Variants in CROT observed in about 807,000 individuals in gnomAD.
CROT encodes carnitine O-octanoyltransferase, also known as peroxisomal carnitine O-octanoyltransferase.
In CROT, 84 loss-of-function variants were observed where a neutral mutation model predicts 89.2. That is an observed-to-expected ratio of 0.94 (90% CI 0.79 to 1.13). The LOEUF is 1.13. Ranked by LOEUF, CROT falls within the 50% of genes most tolerant of loss-of-function variation. CROT has a pLI of 0.00. For missense variants in CROT, 711 were observed against 727.8 expected (o/e 0.98, Z 0.27); for synonymous variants, 212 against 239.5 (o/e 0.89, Z 1.06).
chr7:87,396,643 A>G (rs549873891), intron 17 of CROT, among the ~76,000 whole-genome samples: 1 of 151,930 alleles, frequency 6.6e-6, no homozygotes, highest in African/African-American at 2.4e-5. Flanking sequence ...CATCTCTTCT[A>G]CCCCAAGACT....
rs17149490 is a variant in CROT, at chr7:87,381,815, A to T, written c.979-95A>T. On this transcript the variant is annotated intron_variant, in intron 10 of 17. Coordinates refer to ENST00000331536, the MANE Select transcript of CROT (RefSeq NM_021151.4). ...GCATTTGAAGACTCTATGCTTTATTATCTGTTAAGAATGGACACAAAGTGA... is the reference window on the plus strand; with the variant it reads ...GCATTTGAAGACTCTATGCTTTATTTTCTGTTAAGAATGGACACAAAGTGA... 1.0e-3 allele frequency: 774 copies of T among 772,834 alleles called. 8 individuals carry two copies. The African/African-American group carries it at 0.012, about 12-fold the overall frequency. 47.9% of individuals were successfully genotyped at this position (772,834 alleles called of 1,614,324 possible).
At chr7:87,363,132 G>A (rs763901339) in intron 6 of CROT, among the ~76,000 whole-genome samples, 2 of 152,070 alleles carry the variant, frequency 1.3e-5, no homozygotes, top group Admixed American at 6.6e-5. Context: ...TGTCTTTATC[G>A]CTTAGTAGGT....
intron 6 of CROT, among the ~76,000 whole-genome samples, chr7:87,369,086 C>T (rs1050127903): frequency 1.3e-5 from 2 of 152,066 alleles, no homozygotes; most frequent in African/African-American, 4.8e-5. Context: ...ATTTCTGTTC[C>T]TAAGTAAAAT....
chr7:87,393,191 T>A (rs1363870266), intron 17 of CROT, 124 bp downstream of exon 17: 10 of 1,097,750 alleles, frequency 9.1e-6, no homozygotes, highest in Non-Finnish European at 1.3e-5. Flanking sequence ...CATAAGTAAC[T>A]ATTTTTTTCC....
intron 3 of CROT, among the ~76,000 whole-genome samples, chr7:87,357,825 G>A (rs1384628521): frequency 1.3e-5 from 2 of 152,156 alleles, no homozygotes; most frequent in Non-Finnish European, 2.9e-5. Flanking sequence ...TGACATTTTA[G>A]TGTGTAAATA....
chr7:87,359,448 A>G (rs1314876912), intron 4 of CROT, 118 bp downstream of exon 4: 8 of 1,436,096 alleles, frequency 5.6e-6, no homozygotes, highest in East Asian at 2.6e-5. Flanking sequence ...TGTTATTTTC[A>G]TAATCCAAAA....
chr7:87,368,302 A>T (rs1239280576), intron 6 of CROT, among the ~76,000 whole-genome samples: 1 of 152,092 alleles, frequency 6.6e-6, no homozygotes, highest in Non-Finnish European at 1.5e-5. Context: ...CCATTTATTG[A>T]TTAATTTGGC....
chr7:87,383,696 C>T (rs375322595), intron 13 of CROT, among the ~76,000 whole-genome samples: 1 of 151,994 alleles, frequency 6.6e-6, no homozygotes, highest in Non-Finnish European at 1.5e-5. Context: ...GGGGTTTCGT[C>T]GTGTTGGCCA....
chr7:87,373,288 T>C (rs2115911631), intron 7 of CROT, among the ~76,000 whole-genome samples: 1 of 152,200 alleles, frequency 6.6e-6, no homozygotes, highest in South Asian at 2.1e-4. Context: ...AATTAGTTTG[T>C]TTTTTTATTA....
intron 5 of CROT, 74 bp from the exon 6 acceptor site, chr7:87,361,654 G>T: frequency 6.5e-7 from 1 of 1,528,910 alleles, no homozygotes; most frequent in South Asian, 1.3e-5. Flanking sequence ...TACTTATTTG[G>T]GGATGAACAC....
At chr7:87,386,723 A>G (rs1807193794) in intron 13 of CROT, among the ~76,000 whole-genome samples, 2 of 152,104 alleles carry the variant, frequency 1.3e-5, no homozygotes, top group African/African-American at 4.8e-5. Flanking sequence ...TCATGGACTC[A>G]TGGAGCGTGC....
intron 13 of CROT, among the ~76,000 whole-genome samples, chr7:87,387,163 A>G (rs1807207852): frequency 6.6e-6 from 1 of 151,872 alleles, no homozygotes; most frequent in South Asian, 2.1e-4. Context: ...CCTGAGGATA[A>G]TTGGTACTAG....
chr7:87,397,141 C>A (rs1480243245), intron 17 of CROT, among the ~76,000 whole-genome samples: 1 of 152,084 alleles, frequency 6.6e-6, no homozygotes, highest in Non-Finnish European at 1.5e-5. Flanking sequence ...CACTTGAGGC[C>A]AGGAGTTCAA....
intron 13 of CROT, among the ~76,000 whole-genome samples, chr7:87,390,962 T>G (rs988539750): frequency 6.6e-6 from 1 of 152,230 alleles, no homozygotes; most frequent in Non-Finnish European, 1.5e-5. Flanking sequence ...TGAGTAACTC[T>G]GACTTAATAA....
Position 87,375,968 on chromosome 7 carries a change from TCTC to T in CROT, c.876+16_876+18del, listed in dbSNP as rs368556713. On this transcript the variant is annotated intron_variant, in intron 9 of 17. Coordinates refer to ENST00000331536, the MANE Select transcript of CROT (RefSeq NM_021151.4). The stretch of plus-strand genomic sequence containing the variant: ...ATTATTCTGAGGTACTTAACTACCT[TCTC>T]TTTTTTTTTTTATTGCAGATTTTTC... The T allele has an allele frequency of 6.1e-5, 90 of 1,465,558 alleles. 1 individual carries two copies. In the East Asian group the frequency reaches 6.2e-4, roughly 10 times the overall value. The allele number at this position is 1,465,558 out of a possible 1,614,324, so 90.8% of individuals were successfully genotyped here. A position where few individuals can be genotyped will look rare whatever the true frequency, so the allele number is the denominator to read the frequency against.
At chr7:87,359,523 A>T (rs1035337674) in intron 4 of CROT, 193 bp downstream of exon 4, 1 of 1,335,172 alleles carries the variant, frequency 7.5e-7, no homozygotes, top group East Asian at 3.1e-5. Flanking sequence ...GTTAAAATGC[A>T]GATTTGCTGG....
At chr7:87,372,983 G>C (rs1345641135) in intron 7 of CROT, among the ~76,000 whole-genome samples, 1 of 151,900 alleles carries the variant, frequency 6.6e-6, no homozygotes, top group Non-Finnish European at 1.5e-5. Flanking sequence ...CATTTCTCTT[G>C]GGTATATTTT....
intron 13 of CROT, among the ~76,000 whole-genome samples, chr7:87,386,683 T>C (rs31639): frequency 0.022 from 3,282 of 152,274 alleles, 124 homozygotes; most frequent in African/African-American, 0.073. Context: ...ACCCTGGCTG[T>C]GTGGGAAGGC....
intron 6 of CROT, among the ~76,000 whole-genome samples, 187 bp downstream of exon 6, chr7:87,362,039 G>T (rs955106339): frequency 6.6e-6 from 1 of 152,154 alleles, no homozygotes; most frequent in Non-Finnish European, 1.5e-5. Flanking sequence ...TTTTCTAAAT[G>T]TATCTTACAT....
Sources: gnomAD v4.1 joint callset for allele counts (sites outside exome capture counted in the v4.1 genomes callset) on GRCh38, gnomAD v4.1.1 for gene constraint, MANE v1.5 for transcripts, NCBI Gene and HGNC (gene_info 2026-07-23, HGNC 2026-07-21) for gene names.